The following CAPN14 variants were observed in gnomAD, a reference collection of about 807,000 sequenced individuals.
CAPN14 encodes the protein calpain 14.
CAPN14 carries 94 observed loss-of-function variants against 101.3 expected under a neutral mutation model. The ratio of observed to expected loss-of-function variants is 0.93; its 90% CI spans 0.79 to 1.10. The LOEUF (loss-of-function observed/expected upper bound fraction) is 1.10, where lower values mean the gene tolerates loss of function less well. Among genes scored for constraint, CAPN14 ranks in the 50% least tolerant of loss-of-function variants. The pLI, the probability that CAPN14 is intolerant of heterozygous loss-of-function variation, is 0.00. For missense variants in CAPN14, 837 were observed against 828.4 expected (o/e 1.01, Z -0.13); for synonymous variants, 338 against 317.9 (o/e 1.06, Z -0.67).
upstream of CAPN14, among the ~76,000 whole-genome samples, chr2:31,218,342 G>A (rs1392642249): frequency 6.6e-6 from 1 of 150,512 alleles, no homozygotes; most frequent in Non-Finnish European, 1.5e-5. Flanking sequence ...GCACACCTAG[G>A]ATCCCCAGAA....
intron 1 of CAPN14, among the ~76,000 whole-genome samples, chr2:31,207,836 TA>T (rs2148695933): frequency 6.6e-6 from 1 of 152,332 alleles, no homozygotes; most frequent in East Asian, 1.9e-4. Flanking sequence ...TAAAAGTTTC[TA>T]AACACTTGCT....
chr2:31,223,547 T>C (rs577114877), intron 2 of CAPN14, among the ~76,000 whole-genome samples: 57 of 146,592 alleles, frequency 3.9e-4, no homozygotes, highest in African/African-American at 1.1e-3. Flanking sequence ...CTTTTCTTTT[T>C]TTTTTTTTTT....
At chr2:31,213,280 A>C (rs1682487430) in intron 1 of CAPN14, among the ~76,000 whole-genome samples, 1 of 152,206 alleles carries the variant, frequency 6.6e-6, no homozygotes, top group Non-Finnish European at 1.5e-5. Context: ...TCAGAACTCA[A>C]AAGAGATAAT....
chr2:31,178,678 G>A, intron 17 of CAPN14, 99 bp from the exon 18 acceptor site: 1 of 764,692 alleles, frequency 1.3e-6, no homozygotes, highest in Non-Finnish European at 2.1e-6. Context: ...ATTTGTGGAT[G>A]GCCTCATTCA....
In CAPN14 at chr2:31,194,473, A is replaced by ATTTCG. The variant is rs1168905300; in HGVS notation, c.885_886insCGAAA (p.Trp296ArgfsTer6). On this transcript the variant is annotated frameshift_variant, in exon 9 of 22. Coordinates refer to ENST00000403897, the MANE Select transcript of CAPN14 (RefSeq NM_001145122.2). LOFTEE classifies it high-confidence loss of function. Reference sequence around the variant, plus strand: ...TTCTCCTTGGGGCTCAGCAGCTCCCATTTACTTGAACTGAAAATAGAAAAG... The same window carrying ATTTCG: ...TTCTCCTTGGGGCTCAGCAGCTCCCATTTCGTTTACTTGAACTGAAAATAGAAAAG... The ATTTCG allele has an allele frequency of 6.4e-7, 1 of 1,550,928 alleles. No homozygotes were observed. Among genetic ancestry groups the ATTTCG allele is most frequent in the Non-Finnish European group, 8.7e-7 (1 of 1,146,472 alleles).
chr2:31,182,328 T>C (rs922904891), intron 16 of CAPN14, among the ~76,000 whole-genome samples: 1 of 149,708 alleles, frequency 6.7e-6, no homozygotes, highest in Non-Finnish European at 1.5e-5. Flanking sequence ...TTGGAAGTTC[T>C]GGCCAGGGCA....
At chr2:31,201,161 A>G (rs1342351280) in intron 5 of CAPN14, among the ~76,000 whole-genome samples, 4 of 133,792 alleles carry the variant, frequency 3.0e-5, no homozygotes, top group Non-Finnish European at 4.8e-5. Context: ...GCATGTGCGT[A>G]TGTGTGTGCG....
intron 15 of CAPN14, among the ~76,000 whole-genome samples, chr2:31,187,255 G>A (rs958867334): frequency 2.6e-5 from 4 of 152,188 alleles, no homozygotes; most frequent in Middle Eastern, 3.4e-3. Flanking sequence ...CTCACATCTG[G>A]GTCAGCCCAA....
chr2:31,180,924 C>A lies in CAPN14; in HGVS notation c.1710+12G>T. On this transcript the variant is annotated intron_variant, in intron 17 of 21. Transcript: ENST00000403897. ...CAACAGCAAGCATCCACCCACAAAC[C>A]TGAAAGGATACGTCCAGTAAGGCCA... 1 of 1,551,254 alleles carries A rather than the reference C, an allele frequency of 6.4e-7. No individual in the cohort carries two copies. Among genetic ancestry groups the A allele is most frequent in the South Asian group, 1.2e-5 (1 of 84,046 alleles).
intron 1 of CAPN14, among the ~76,000 whole-genome samples, chr2:31,216,586 C>T (rs149217700): frequency 6.6e-6 from 1 of 152,086 alleles, no homozygotes; most frequent in Admixed American, 6.5e-5. Context: ...CTAACTCATC[C>T]AAGAATTCTC....
upstream of CAPN14, among the ~76,000 whole-genome samples, chr2:31,219,105 T>G (rs536667076): frequency 1.3e-5 from 2 of 152,144 alleles, no homozygotes; most frequent in South Asian, 4.1e-4. Flanking sequence ...GACAGCACCC[T>G]GCACCTGGCA....
At chr2:31,203,016 A>G in intron 3 of CAPN14, 54 bp downstream of exon 3, 2 of 1,444,668 alleles carry the variant, frequency 1.4e-6, no homozygotes. Flanking sequence ...TGTCTTGGCC[A>G]GGCCTGGTCA....
At chr2:31,181,382 CTT>C (rs879804580) in intron 16 of CAPN14, among the ~76,000 whole-genome samples, 2,959 of 128,498 alleles carry the variant, frequency 0.023, 57 homozygotes, top group African/African-American at 0.032. Flanking sequence ...TTTCTCTTTT[CTT>C]TTTTTCTTTC....
In CAPN14 at chr2:31,202,136, A is replaced by C; in HGVS notation, c.412T>G (p.Trp138Gly). The change falls in exon 4 of 22, where the codon TGG becomes GGG. Residue 138 changes from tryptophan to glycine, a missense_variant and splice_region_variant. By Grantham distance (184) the Trp-to-Gly change is radical (BLOSUM62 -2). Transcript: ENST00000403897. Reference protein sequence around the residue: ...TEKYAGIFRFWFWHYGNWVPV... With the variant: ...TEKYAGIFRFGFWHYGNWVPV... ...TGAGGACCCGGGAAGACACTCACCC[A>C]GAACCGGAAGATGCCAGCATACTTC... The C allele has an allele frequency of 6.4e-7, 1 of 1,551,868 alleles. No individual in the cohort carries two copies. Among genetic ancestry groups the C allele is most frequent in the Non-Finnish European group, 8.7e-7 (1 of 1,146,956 alleles).
intron 20 of CAPN14, 37 bp from the exon 21 acceptor site, chr2:31,176,679 G>A: frequency 6.7e-7 from 1 of 1,503,402 alleles, no homozygotes; most frequent in Non-Finnish European, 9.1e-7. Context: ...CAGCTAATGT[G>A]TCTATTGGAA....
At chr2:31,176,506 T>G in intron 21 of CAPN14, 81 bp downstream of exon 21, 1 of 1,087,354 alleles carries the variant, frequency 9.2e-7, no homozygotes, top group Admixed American at 2.0e-5. Flanking sequence ...CCCAGAGCCC[T>G]TCTCCTTCAC....
In CAPN14 at chr2:31,230,645, C is replaced by T. The variant is rs567535009; in HGVS notation, c.-177+3146G>A. 5.3e-5 allele frequency among the ~76,000 whole-genome samples: 8 copies of T among 152,230 alleles called. No individual in the cohort carries two copies. The South Asian group carries it at 6.2e-4, about 12-fold the overall frequency. On this transcript the variant is annotated intron_variant and NMD_transcript_variant, in intron 1 of 21. Transcript: ENST00000398824. This position sits in a 1 kb window ranked among gnomAD's most constrained non-coding sequence, Gnocchi z 4.3. ...CGTTTATAGGGCATTCATGTAGCCT[C>T]TTGTAAAAGACATTTTTGTAGCTCT...
intron 1 of CAPN14, among the ~76,000 whole-genome samples, chr2:31,231,957 A>G (rs1240942568): frequency 1.3e-5 from 2 of 152,218 alleles, no homozygotes; most frequent in African/African-American, 4.8e-5. Flanking sequence ...CTAAACACCA[A>G]GGGTGAAATA....
Position 31,198,051 on chromosome 2 carries a change from T to C in CAPN14, c.790-717A>G, listed in dbSNP as rs116575804. On this transcript the variant is annotated intron_variant, in intron 7 of 21. Transcript: ENST00000403897. ...GTAGACCTTGTGAAAGGAAAATAAA[T>C]CTTGGGACCCCAAAATCACTAATCT... Among the ~76,000 whole-genome samples the C allele has an allele frequency of 9.3e-3, 1,422 of 152,288 alleles. 31 individuals carry two copies. The highest frequency in any genetic ancestry group is 0.033 in the African/African-American group (1,352 of 41,558).
Sources: gnomAD v4.1 joint callset for allele counts (sites outside exome capture counted in the v4.1 genomes callset) on GRCh38, gnomAD v4.1.1 for gene constraint, Gnocchi (gnomAD v3.1) non-coding constraint, MANE v1.5 for transcripts, NCBI Gene and HGNC (gene_info 2026-07-23, HGNC 2026-07-21) for gene names.